Variants in ATXN7L1 observed in about 807,000 individuals in gnomAD.
The protein encoded by ATXN7L1 is ataxin-7-like protein 1.
A neutral mutation model predicts 70.8 loss-of-function variants in ATXN7L1; 15 were observed. The ratio of observed to expected loss-of-function variants is 0.21; its 90% CI spans 0.14 to 0.33. ATXN7L1 has a LOEUF of 0.33. ATXN7L1 is among the 10% of genes least tolerant of loss of function. ATXN7L1 has a pLI of 1.00. For missense variants in ATXN7L1, 975 were observed against 1,097.1 expected (o/e 0.89, Z 1.57); for synonymous variants, 440 against 445.1 (o/e 0.99, Z 0.14).
At chr7:105,858,316 A>G (rs188818536) in intron 2 of ATXN7L1, among the ~76,000 whole-genome samples, 1 of 152,322 alleles carries the variant, frequency 6.6e-6, no homozygotes, top group East Asian at 1.9e-4. Flanking sequence ...AGAAAAACTT[A>G]ACTCTGCCCT....
At chr7:105,613,084 C>T (rs115153796) in intron 10 of ATXN7L1, among the ~76,000 whole-genome samples, 1,572 of 152,186 alleles carry the variant, frequency 0.01, 24 homozygotes, top group African/African-American at 0.036. Context: ...GAGGCTGGGG[C>T]GGGGGTGGTG....
rs186902438 is a variant in ATXN7L1, at chr7:105,620,050, G to A, written c.1517+150C>T. ...AAACCTTCAGGCAAACCATTAAGAA[G>A]AGCTGGTATTTAAGAATTAATCAAG... On this transcript the variant is annotated intron_variant, in intron 9 of 11. Coordinates refer to ENST00000419735, the MANE Select transcript of ATXN7L1 (RefSeq NM_020725.2). 1,474 of 996,880 alleles carry A rather than the reference G, an allele frequency of 1.5e-3. 1 individual carries two copies. The highest frequency in any genetic ancestry group is 2.0e-3 in the Non-Finnish European group (1,345 of 688,064). The allele number at this position is 996,880 out of a possible 1,614,324, so 61.8% of individuals were successfully genotyped here.
In ATXN7L1 at chr7:105,756,214, G is replaced by A. The variant is rs76037102; in HGVS notation, c.355+32390C>T. ...TTTTGCCCTTGATGCATGCCAATATGTCCAAATGCACTCATTTTCATGCAA... is the reference window on the plus strand; with the variant it reads ...TTTTGCCCTTGATGCATGCCAATATATCCAAATGCACTCATTTTCATGCAA... On this transcript the variant is annotated intron_variant, in intron 3 of 11. Coordinates refer to ENST00000419735, the MANE Select transcript of ATXN7L1 (RefSeq NM_020725.2). Among the ~76,000 whole-genome samples, 1,518 of 152,090 alleles carry A rather than the reference G, an allele frequency of 1.0e-2. 25 individuals are homozygous for A. Among genetic ancestry groups the A allele is most frequent in the East Asian group, 0.076 (395 of 5,174 alleles).
intron 3 of ATXN7L1, among the ~76,000 whole-genome samples, chr7:105,672,196 G>C (rs1322923684): frequency 6.6e-6 from 1 of 152,048 alleles, no homozygotes; most frequent in African/African-American, 2.4e-5. Context: ...TGAGGCAGGA[G>C]AATCACTTGA....
chr7:105,660,360 TC>T (rs1394293332), intron 4 of ATXN7L1, among the ~76,000 whole-genome samples: 1 of 152,022 alleles, frequency 6.6e-6, no homozygotes, highest in Non-Finnish European at 1.5e-5. Flanking sequence ...TGGGCCTCAC[TC>T]CCCTACCCAG....
chr7:105,637,505 A>C (rs1220697352), intron 7 of ATXN7L1, among the ~76,000 whole-genome samples: 1 of 152,152 alleles, frequency 6.6e-6, no homozygotes. Context: ...AAATTCCTGA[A>C]AAGCGGGGTC....
chr7:105,778,813 T>C (rs1323601135), intron 3 of ATXN7L1, among the ~76,000 whole-genome samples: 1 of 152,242 alleles, frequency 6.6e-6, no homozygotes, highest in Non-Finnish European at 1.5e-5. Flanking sequence ...TCCTTCTTTT[T>C]GCTTTCATGT....
At chr7:105,706,660 C>A (rs1191700532) in intron 3 of ATXN7L1, among the ~76,000 whole-genome samples, 1 of 152,258 alleles carries the variant, frequency 6.6e-6, no homozygotes, top group Non-Finnish European at 1.5e-5. Context: ...AGCATCCCCT[C>A]TGGGGACTGG....
chr7:105,813,557 G>A (rs899416037), intron 2 of ATXN7L1, among the ~76,000 whole-genome samples: 9 of 151,950 alleles, frequency 5.9e-5, no homozygotes, highest in Non-Finnish European at 2.9e-5. Context: ...GGCTAGTCTC[G>A]AACTCCCGAC....
chr7:105,807,782 C>T (rs1807836070), intron 2 of ATXN7L1, among the ~76,000 whole-genome samples: 1 of 152,236 alleles, frequency 6.6e-6, no homozygotes. Flanking sequence ...CTCCCAACCA[C>T]CAGACAGGTG....
intron 3 of ATXN7L1, among the ~76,000 whole-genome samples, chr7:105,720,210 T>C (rs1795025687): frequency 1.3e-5 from 2 of 152,210 alleles, no homozygotes; most frequent in South Asian, 2.1e-4. Flanking sequence ...AATTCTTTCA[T>C]ATCTGCAGAG....
intron 3 of ATXN7L1, among the ~76,000 whole-genome samples, chr7:105,777,423 T>A (rs897933482): frequency 2.0e-5 from 3 of 152,228 alleles, no homozygotes; most frequent in Admixed American, 6.5e-5. Context: ...TTCTCTTTAG[T>A]GTCTTACTCA....
At chr7:105,810,703 C>A (rs974648309) in intron 2 of ATXN7L1, among the ~76,000 whole-genome samples, 4 of 152,186 alleles carry the variant, frequency 2.6e-5, no homozygotes, top group African/African-American at 9.7e-5. Flanking sequence ...CCAACGCGAG[C>A]CAGCGTAGAG....
chr7:105,704,947 A>G (rs1792962027), intron 3 of ATXN7L1, among the ~76,000 whole-genome samples: 1 of 152,040 alleles, frequency 6.6e-6, no homozygotes, highest in African/African-American at 2.4e-5. Flanking sequence ...TCCAAACCCA[A>G]GCACACTCTC....
Position 105,613,969 on chromosome 7 carries a change from C to T in ATXN7L1, c.2365G>A (p.Ala789Thr), listed in dbSNP as rs370163991. 4.0e-5 allele frequency: 62 copies of T among 1,552,302 alleles called. No individual in the cohort carries two copies. In the African/African-American group the frequency reaches 7.5e-4, roughly 19 times the overall value. ...KRKNSSSSSK[A>T]CKITKMPGMN... Reference sequence around the variant, plus strand: ...CCAGGCATTTTAGTGATTTTACAGGCTTTGCTACTAGAACTCGAGTTCTTA... The same window carrying T: ...CCAGGCATTTTAGTGATTTTACAGGTTTTGCTACTAGAACTCGAGTTCTTA... The change falls in exon 10 of 12, where the codon GCC becomes ACC. Residue 789 changes from alanine (A) to threonine (T), a missense_variant. By Grantham distance (58) the Ala-to-Thr change is moderately conservative. Around this residue, in one of 5 missense-constraint regions of ATXN7L1, gnomAD observed 635 missense variants for 699.4 expected, o/e 0.91. Transcript: ENST00000419735.
Position 105,788,651 on chromosome 7 carries a change from C to T in ATXN7L1, c.308G>A (p.Ser103Asn). 1 of 1,614,062 alleles carries T rather than the reference C, an allele frequency of 6.2e-7. No individual in the cohort carries two copies. The highest frequency in any genetic ancestry group is 8.5e-7 in the Non-Finnish European group (1 of 1,179,974). Residue 103 changes from serine (S) to asparagine (N), a missense_variant, in exon 3 of 12, where the codon AGT (serine) becomes AAT (asparagine). Physicochemically the swap from Ser to Asn is conservative, Grantham distance 46. Around this residue, in one of 5 missense-constraint regions of ATXN7L1, gnomAD observed 135 missense variants for 132.6 expected, o/e 1.02. Coordinates refer to ENST00000419735, the MANE Select transcript of ATXN7L1 (RefSeq NM_020725.2). ...AHDDFYLVVC[S>N]ACNQVVKPQV... ...TGGCTTGACGACCTGGTTACAGGCA[C>T]TGCACACTACGAGATAGAAGTCGTC...
intron 3 of ATXN7L1, among the ~76,000 whole-genome samples, chr7:105,759,666 T>A (rs1224468380): frequency 1.3e-5 from 2 of 152,162 alleles, no homozygotes; most frequent in Non-Finnish European, 2.9e-5. Flanking sequence ...GAGTTAAAGA[T>A]GAAACAACTC....
intron 3 of ATXN7L1, among the ~76,000 whole-genome samples, chr7:105,758,470 G>A (rs1324788774): frequency 6.6e-6 from 1 of 152,232 alleles, no homozygotes. Context: ...ACTCTTCAGT[G>A]TGAAGCAGGA....
At chr7:105,862,215 G>C (rs1428046802) in intron 2 of ATXN7L1, among the ~76,000 whole-genome samples, 1 of 152,056 alleles carries the variant, frequency 6.6e-6, no homozygotes, top group Non-Finnish European at 1.5e-5. Flanking sequence ...TGGGAGAATC[G>C]CTTGAGCCCA....
Sources: gnomAD v4.1 joint callset for allele counts (sites outside exome capture counted in the v4.1 genomes callset) on GRCh38, gnomAD v4.1.1 for gene constraint, gnomAD v4.1.1 regional missense constraint, MANE v1.5 for transcripts, NCBI Gene and HGNC (gene_info 2026-07-23, HGNC 2026-07-21) for gene names.